The following SYNE2 variants were observed in gnomAD, a reference collection of about 807,000 sequenced individuals.
SYNE2 encodes nesprin-2.
In SYNE2, 431 loss-of-function variants were observed where a neutral mutation model predicts 856.3. That is an observed-to-expected ratio of 0.50 (90% CI 0.47 to 0.55). The LOEUF (loss-of-function observed/expected upper bound fraction) is 0.55, where lower values mean the gene tolerates loss of function less well. Among genes scored for constraint, SYNE2 ranks in the 20% least tolerant of loss-of-function variants. The pLI is 0.00. For missense variants in SYNE2, 8,129 were observed against 8,023.2 expected (o/e 1.01, Z -0.50); for synonymous variants, 2,923 against 2,872.3 (o/e 1.02, Z -0.56).
intron 1 of SYNE2, among the ~76,000 whole-genome samples, chr14:63,807,313 G>C (rs1220795711): frequency 6.8e-6 from 1 of 147,654 alleles, no homozygotes; most frequent in Non-Finnish European, 1.5e-5. Context: ...CTACATTTCA[G>C]CCTGGATGAC....
chr14:63,878,621 C>T (rs1289109281), intron 1 of SYNE2, among the ~76,000 whole-genome samples: 2 of 152,092 alleles, frequency 1.3e-5, no homozygotes, highest in Non-Finnish European at 1.5e-5. Context: ...CAACTCACTG[C>T]AGCTTTCACC....
At position 63,788,749 on chromosome 14, in the gene SYNE2, C is replaced by T. The variant is rs188356205; in HGVS notation, c.-305+26763C>T. On this transcript the variant is annotated intron_variant, in intron 1 of 23. Coordinates refer to the SYNE2 transcript ENST00000674003. ...GGCTTATTTCACTTAACATAATGTT[C>T]GTACACTGATGAGGAATGTAAATTA... Among the ~76,000 whole-genome samples, 727 of 152,314 alleles carry T rather than the reference C, an allele frequency of 4.8e-3. 3 individuals are homozygous for T. Among genetic ancestry groups the T allele is most frequent in the Middle Eastern group, 0.01 (3 of 294 alleles).
chr14:64,053,366 A>G lies in SYNE2; in HGVS notation c.9453A>G (p.Glu3151=). The change falls in exon 48 of 116, where the codon GAA becomes GAG. Residue 3151 remains glutamate (E), a synonymous_variant. Transcript: ENST00000555002. Reference sequence around the variant, plus strand: ...AACTCTCACCAAAAGAATTGGATGAAAAGAATTGTCAGGACAAACTAGAAA... The same window carrying G: ...AACTCTCACCAAAAGAATTGGATGAGAAGAATTGTCAGGACAAACTAGAAA... ...VLELSPKELD[E]KNCQDKLETS... 1.2e-6 allele frequency: 2 copies of G among 1,613,720 alleles called. No homozygotes were observed. Among genetic ancestry groups the G allele is most frequent in the South Asian group, 2.2e-5 (2 of 90,816 alleles).
chr14:63,854,252 G>A (rs962833581), intron 1 of SYNE2, among the ~76,000 whole-genome samples: 18 of 149,418 alleles, frequency 1.2e-4, no homozygotes, highest in African/African-American at 2.2e-4. Flanking sequence ...GATACTATTT[G>A]GCTATGCTAG....
Position 63,935,274 on chromosome 14 carries a change from C to G in SYNE2, c.80-5340C>G, listed in dbSNP as rs113749040. The stretch of plus-strand genomic sequence containing the variant: ...GTTCAGTTAGCAATTATTGAGCACC[C>G]TATAAAGTGTATATCAGTAGTCTAT... On this transcript the variant is annotated intron_variant, in intron 2 of 115. Coordinates refer to ENST00000555002, the MANE Select transcript of SYNE2 (RefSeq NM_182914.3). Among the ~76,000 whole-genome samples, 12 of 152,148 alleles carry G rather than the reference C, an allele frequency of 7.9e-5. 1 individual carries two copies. Among genetic ancestry groups the G allele is most frequent in the African/African-American group, 2.4e-4 (10 of 41,498 alleles).
intron 12 of SYNE2, among the ~76,000 whole-genome samples, chr14:63,977,673 T>C (rs974558965): frequency 1.3e-5 from 2 of 152,002 alleles, no homozygotes; most frequent in African/African-American, 4.8e-5. Flanking sequence ...GGTGAGAGGA[T>C]CCCTTGAATC....
chr14:64,183,181 C>T (rs1352726588), intron 96 of SYNE2, among the ~76,000 whole-genome samples: 5 of 144,936 alleles, frequency 3.4e-5, no homozygotes, highest in Admixed American at 7.2e-5. Flanking sequence ...CGGGCAGAGA[C>T]GCTCCTCACT....
At position 63,967,576 on chromosome 14, in the gene SYNE2, A is replaced by G. The variant is rs1290212279; in HGVS notation, c.991-133A>G. ...AAGGAAACCAGAGCAGAGAGAGGAT[A>G]CTGGATTCAGGGGATTTTACCTTTA... On this transcript the variant is annotated intron_variant, in intron 10 of 115. Transcript: ENST00000555002. 17 of 834,936 alleles carry G rather than the reference A, an allele frequency of 2.0e-5. No homozygotes were observed. In the South Asian group the frequency reaches 2.9e-4, roughly 14 times the overall value. The allele number at this position is 834,936 out of a possible 1,614,324, so 51.7% of individuals were successfully genotyped here.
Position 64,073,956 on chromosome 14 carries a change from G to A in SYNE2, c.10698-12G>A, listed in dbSNP as rs377331006. 132 of 1,612,930 alleles carry A rather than the reference G, an allele frequency of 8.2e-5. No homozygotes were observed. The highest frequency in any genetic ancestry group is 1.0e-4 in the Non-Finnish European group (122 of 1,179,456). ...GATAAAGAAACAATTATATTTTGAC[G>A]TTCTCTTTTAGGCTTCTTCAGAAAG... On this transcript the variant is annotated splice_polypyrimidine_tract_variant and intron_variant, in intron 52 of 115. Transcript: ENST00000555002.
intron 37 of SYNE2, 98 bp downstream of exon 37, chr14:64,022,126 G>A (rs950451444): frequency 8.7e-7 from 1 of 1,150,780 alleles, no homozygotes; most frequent in African/African-American, 1.5e-5. Context: ...CTTAGAGATG[G>A]TTTGCACAGA....
rs1414330500 is a variant in SYNE2 at position 63,997,142 on chromosome 14, G to A, written c.3136G>A (p.Gly1046Ser). The change falls in exon 24 of 116, where the codon GGC becomes AGC. Residue 1046 changes from glycine to serine, a missense_variant. Around this residue, in one of 3 missense-constraint regions of SYNE2, gnomAD observed 2,422 missense variants for 2,357.4 expected, o/e 1.03. Transcript: ENST00000555002. Reference sequence around the variant, plus strand: ...TATGACACTGCAGCCCACAGCGGGAGGCACGTCGAAAAACGAGTTAGTACT... The same window carrying A: ...TATGACACTGCAGCCCACAGCGGGAAGCACGTCGAAAAACGAGTTAGTACT... ...IHMTLQPTAG[G>S]TSKNEGTITT... 1 of 1,614,028 alleles carries A rather than the reference G, an allele frequency of 6.2e-7. No individual in the cohort carries two copies. The highest frequency in any genetic ancestry group is 1.1e-5 in the South Asian group (1 of 91,058).
At chr14:63,927,620 G>A (rs974804596) in intron 2 of SYNE2, among the ~76,000 whole-genome samples, 2 of 152,086 alleles carry the variant, frequency 1.3e-5, no homozygotes, top group African/African-American at 4.8e-5. Context: ...TTCGGCCGGC[G>A]CTGTGGCTCA....
intron 108 of SYNE2, among the ~76,000 whole-genome samples, chr14:64,216,666 A>G (rs950649542): frequency 6.6e-6 from 1 of 152,186 alleles, no homozygotes; most frequent in Non-Finnish European, 1.5e-5. Flanking sequence ...TGTCTGTGCA[A>G]ATAGTGAGCA....
Position 64,210,818 on chromosome 14 carries a change from T to C in SYNE2, c.18723+694T>C, listed in dbSNP as rs148022897. Reference sequence around the variant, plus strand: ...TCTAGAAAGATGTAAATCTGGGCTTTCTTTCTTTTCTTCCTTTCTTTTCTC... The same window carrying C: ...TCTAGAAAGATGTAAATCTGGGCTTCCTTTCTTTTCTTCCTTTCTTTTCTC... On this transcript the variant is annotated intron_variant, in intron 103 of 115. Coordinates refer to ENST00000555002, the MANE Select transcript of SYNE2 (RefSeq NM_182914.3). Among the ~76,000 whole-genome samples the C allele has an allele frequency of 9.2e-5, 14 of 152,232 alleles. 1 individual carries two copies. In the South Asian group the frequency reaches 1.7e-3, roughly 18 times the overall value.
intron 1 of SYNE2, among the ~76,000 whole-genome samples, chr14:63,813,702 T>A (rs1444395646): frequency 2.0e-5 from 3 of 151,922 alleles, no homozygotes; most frequent in African/African-American, 7.3e-5. Flanking sequence ...GGGGAGTGGA[T>A]CACGAGGTCA....
chr14:64,133,988 T>C (rs1265776550), intron 77 of SYNE2, 81 bp from the exon 78 acceptor site: 9 of 1,536,200 alleles, frequency 5.9e-6, no homozygotes, highest in East Asian at 2.3e-5. Flanking sequence ...GTGTTCATTT[T>C]TGTTTTGTGA....
intron 16 of SYNE2, among the ~76,000 whole-genome samples, chr14:63,981,454 T>C (rs2096585223): frequency 6.6e-6 from 1 of 152,108 alleles, no homozygotes; most frequent in Non-Finnish European, 1.5e-5. Context: ...GAGTAATAGC[T>C]TTTGGGAGAT....
At chr14:64,100,336 T>C (rs1403870393) in intron 63 of SYNE2, 1 of 151,122 alleles carries the variant, frequency 6.6e-6, no homozygotes, top group African/African-American at 2.4e-5. Context: ...TTAAAAAAAT[T>C]GACAAGTAAA....
At chr14:63,920,037 A>G (rs1366795963) in intron 2 of SYNE2, among the ~76,000 whole-genome samples, 1 of 125,688 alleles carries the variant, frequency 8.0e-6, no homozygotes, top group African/African-American at 3.5e-5. Context: ...TTTCTTAGGT[A>G]TAGGTCGGTT....
Sources: gnomAD v4.1 joint callset for allele counts (sites outside exome capture counted in the v4.1 genomes callset) on GRCh38, gnomAD v4.1.1 for gene constraint, gnomAD v4.1.1 regional missense constraint, MANE v1.5 for transcripts, NCBI Gene and HGNC (gene_info 2026-07-23, HGNC 2026-07-21) for gene names.